GPC5: variants seen among roughly 807,000 people sequenced by gnomAD.
GPC5 encodes the protein glypican-5.
GPC5 carries 47 observed loss-of-function variants against 53.9 expected under a neutral mutation model. The ratio of observed to expected loss-of-function variants is 0.87; its 90% CI spans 0.69 to 1.11. The LOEUF is 1.11. GPC5 is among the 50% of genes most tolerant of loss of function. The pLI, the probability that GPC5 is intolerant of heterozygous loss-of-function variation, is 0.00. For synonymous variants in GPC5, 286 were observed against 263.3 expected (o/e 1.09, Z -0.84); for missense variants, 748 against 713.1 (o/e 1.05, Z -0.56).
intron 7 of GPC5, among the ~76,000 whole-genome samples, chr13:92,719,089 A>G (rs1448190044): frequency 6.6e-6 from 1 of 152,000 alleles, no homozygotes; most frequent in Non-Finnish European, 1.5e-5. Flanking sequence ...AATATTAAAA[A>G]AGATAATAAA....
intron 2 of GPC5, among the ~76,000 whole-genome samples, chr13:91,456,251 A>C (rs1881542084): frequency 6.6e-6 from 1 of 152,150 alleles, no homozygotes; most frequent in South Asian, 2.1e-4. Flanking sequence ...CCAAACATAC[A>C]AAGTATGGTG....
intron 6 of GPC5, among the ~76,000 whole-genome samples, chr13:92,057,032 A>T (rs916318725): frequency 3.3e-5 from 5 of 152,180 alleles, no homozygotes; most frequent in Non-Finnish European, 7.3e-5. Flanking sequence ...CCTCTCATTG[A>T]GAGGTGGGGT....
chr13:91,542,100 A>G (rs2029977605), intron 2 of GPC5, among the ~76,000 whole-genome samples: 1 of 151,854 alleles, frequency 6.6e-6, no homozygotes, highest in Admixed American at 6.6e-5. Context: ...ACTTTATTTC[A>G]TCATAGGACA....
At chr13:92,450,165 T>A (rs1252419564) in intron 7 of GPC5, among the ~76,000 whole-genome samples, 1 of 152,032 alleles carries the variant, frequency 6.6e-6, no homozygotes, top group African/African-American at 2.4e-5. Context: ...CAAAAGAAAT[T>A]GGGAGAAGAT....
At chr13:92,052,251 G>A (rs915880351) in intron 6 of GPC5, among the ~76,000 whole-genome samples, 1 of 152,212 alleles carries the variant, frequency 6.6e-6, no homozygotes, top group Non-Finnish European at 1.5e-5. Context: ...AAGGTTGCCT[G>A]TAGTGTGCCC....
At chr13:91,718,678 C>T (rs895530685) in intron 3 of GPC5, among the ~76,000 whole-genome samples, 1 of 152,154 alleles carries the variant, frequency 6.6e-6, no homozygotes, top group Non-Finnish European at 1.5e-5. Flanking sequence ...ATTAATAGCA[C>T]AGTTTGGAAT....
At chr13:92,554,041 G>A (rs1036169176) in intron 7 of GPC5, among the ~76,000 whole-genome samples, 2 of 151,838 alleles carry the variant, frequency 1.3e-5, no homozygotes, top group African/African-American at 4.8e-5. Context: ...ATATACTTAT[G>A]CATACATATT....
intron 7 of GPC5, among the ~76,000 whole-genome samples, chr13:92,417,349 A>G (rs9523669): frequency 1.3e-5 from 2 of 152,114 alleles, no homozygotes; most frequent in East Asian, 3.9e-4. Context: ...AAAAGATAAT[A>G]AAGTGTGGGA....
chr13:92,782,046 A>AGGGAAGGGAAGTGAAG (rs1876043603), intron 7 of GPC5, among the ~76,000 whole-genome samples: 2 of 148,752 alleles, frequency 1.3e-5, no homozygotes, highest in African/African-American at 4.9e-5. Context: ...AAGGAAAGGA[A>AGGGAAGGGAAGTGAAG]GGGAAGGGAA....
At chr13:92,268,544 A>G (rs1387043507) in intron 7 of GPC5, among the ~76,000 whole-genome samples, 1 of 151,912 alleles carries the variant, frequency 6.6e-6, no homozygotes, top group African/African-American at 2.4e-5. Context: ...AAATTATTTA[A>G]CCAGCTCTAT....
chr13:91,974,603 C>T (rs1444388874), intron 6 of GPC5, among the ~76,000 whole-genome samples: 3 of 152,050 alleles, frequency 2.0e-5, no homozygotes, highest in Non-Finnish European at 4.4e-5. Flanking sequence ...CAAACCACTG[C>T]TCAATGAAAT....
chr13:92,163,648 A>G (rs1172141774), intron 7 of GPC5, among the ~76,000 whole-genome samples: 1 of 152,130 alleles, frequency 6.6e-6, no homozygotes, highest in Non-Finnish European at 1.5e-5. Flanking sequence ...ATCACTAGCT[A>G]CACCTACTGT....
chr13:91,714,952 G>T (rs778909171), intron 3 of GPC5, among the ~76,000 whole-genome samples: 3 of 152,234 alleles, frequency 2.0e-5, no homozygotes, highest in Non-Finnish European at 2.9e-5. Flanking sequence ...TGCTCCTGCA[G>T]AGCAGAGCTC....
chr13:91,630,104 A>G (rs1486513886), intron 2 of GPC5, among the ~76,000 whole-genome samples: 3 of 152,146 alleles, frequency 2.0e-5, no homozygotes, highest in Admixed American at 6.6e-5. Context: ...CTATATTTCT[A>G]TTAAAAACAA....
intron 5 of GPC5, among the ~76,000 whole-genome samples, chr13:91,865,431 G>C (rs2039073256): frequency 6.6e-6 from 1 of 152,010 alleles, no homozygotes. Flanking sequence ...AAAGACATTG[G>C]TCTAGCTAAT....
At chr13:92,568,869 T>C (rs1385201598) in intron 7 of GPC5, among the ~76,000 whole-genome samples, 3 of 152,142 alleles carry the variant, frequency 2.0e-5, no homozygotes, top group Non-Finnish European at 4.4e-5. Flanking sequence ...GTACTGTCTC[T>C]GCTCTCCCTC....
chr13:92,053,372 T>C (rs147921034), intron 6 of GPC5, among the ~76,000 whole-genome samples: 452 of 152,302 alleles, frequency 3.0e-3, no homozygotes, highest in African/African-American at 0.01. Context: ...TCGTCTGCTG[T>C]TTCTAGTCAG....
At chr13:92,839,604 C>T (rs1878350899) in intron 7 of GPC5, among the ~76,000 whole-genome samples, 1 of 152,052 alleles carries the variant, frequency 6.6e-6, no homozygotes, top group South Asian at 2.1e-4. Context: ...GCCTCCAGCT[C>T]CATCCATGTC....
chr13:91,684,765 T>C (rs1268345995), intron 2 of GPC5, among the ~76,000 whole-genome samples: 4 of 152,206 alleles, frequency 2.6e-5, no homozygotes, highest in Admixed American at 2.0e-4. Context: ...ATTTCTCCTA[T>C]GTTGAAAATT....
Sources: allele counts gnomAD v4.1 joint callset (sites outside exome capture counted in the v4.1 genomes callset), GRCh38; gene constraint gnomAD v4.1.1; transcripts MANE v1.5; gene names NCBI Gene and HGNC (gene_info 2026-07-23, HGNC 2026-07-21).